Variants in ADORA2B observed in about 807,000 individuals in gnomAD.
ADORA2B encodes the protein adenosine receptor A2b.
ADORA2B carries 18 observed loss-of-function variants against 20.8 expected under a neutral mutation model. The ratio of observed to expected loss-of-function variants is 0.87; its 90% CI spans 0.60 to 1.29. ADORA2B has a LOEUF of 1.29. ADORA2B is among the 50% of genes most tolerant of loss of function. ADORA2B has a pLI of 0.00. For synonymous variants in ADORA2B, 179 were observed against 178.3 expected, an observed-to-expected ratio of 1.00 and a Z score of -0.03; for missense variants, 441 against 422.7, an observed-to-expected ratio of 1.04 and a Z score of -0.38.
At chr17:15,933,168 G>A in the ADORA2B span, among the ~76,000 whole-genome samples, 1 of 152,104 alleles carries the variant, frequency 6.6e-6, no homozygotes, top group African/African-American at 2.4e-5. Context: ...TGTTAGCTGG[G>A]ATGGTCCCAA....
At chr17:15,853,381 T>C in the ADORA2B span, among the ~76,000 whole-genome samples, 1 of 152,248 alleles carries the variant, frequency 6.6e-6, no homozygotes, top group Non-Finnish European at 1.5e-5. Flanking sequence ...CTGCATGAAG[T>C]TTGTTCTTTT....
chr17:15,961,306 A>C (rs926770076), intron 1 of ADORA2B, among the ~76,000 whole-genome samples: 2 of 151,590 alleles, frequency 1.3e-5, no homozygotes, highest in African/African-American at 4.8e-5. Flanking sequence ...AACATTTTTG[A>C]GTTCAGGTGA....
the ADORA2B span, among the ~76,000 whole-genome samples, chr17:15,881,767 G>T: frequency 0.013 from 1,937 of 152,286 alleles, 34 homozygotes; most frequent in African/African-American, 0.045. Flanking sequence ...CGCTGCTTCT[G>T]CATCCATCTG....
the ADORA2B span, among the ~76,000 whole-genome samples, chr17:15,879,313 C>T: frequency 6.6e-6 from 1 of 151,874 alleles, no homozygotes; most frequent in Admixed American, 6.6e-5. Context: ...AATAGCTGGG[C>T]ATAGTGGCAC....
chr17:15,891,472 T>C, the ADORA2B span, among the ~76,000 whole-genome samples: 2 of 152,198 alleles, frequency 1.3e-5, no homozygotes. Context: ...TGGGCTCTTA[T>C]TGCACATGCT....
chr17:15,971,835 G>A (rs1208244668), intron 1 of ADORA2B, among the ~76,000 whole-genome samples: 1 of 152,084 alleles, frequency 6.6e-6, no homozygotes, highest in Non-Finnish European at 1.5e-5. Context: ...GTTTCACCGT[G>A]TTGGCCAGGC....
the ADORA2B span, among the ~76,000 whole-genome samples, chr17:15,874,095 TACACACACACACATATATACATACACAC>T: frequency 4.1e-5 from 6 of 145,892 alleles, no homozygotes; most frequent in African/African-American, 1.1e-4. Flanking sequence ...TATATATGTA[TACACACACACACATATATACATACACAC>T]ACACACACAC....
chr17:15,893,503 C>G, the ADORA2B span, among the ~76,000 whole-genome samples: 1 of 151,608 alleles, frequency 6.6e-6, no homozygotes, highest in East Asian at 1.9e-4. Flanking sequence ...CCCTCCCTCC[C>G]TCCCTCCTCC....
the ADORA2B span, among the ~76,000 whole-genome samples, chr17:15,904,397 T>G: frequency 1.3e-5 from 2 of 149,210 alleles, no homozygotes; most frequent in East Asian, 3.9e-4. Flanking sequence ...TCTGCTTTTT[T>G]TTTTTTTTTT....
At chr17:15,855,634 T>G in the ADORA2B span, among the ~76,000 whole-genome samples, 1 of 151,500 alleles carries the variant, frequency 6.6e-6, no homozygotes, top group Non-Finnish European at 1.5e-5. Flanking sequence ...CTTAACAAAT[T>G]TTTAAGTACG....
chr17:15,902,722 G>A, the ADORA2B span, among the ~76,000 whole-genome samples: 2 of 152,096 alleles, frequency 1.3e-5, no homozygotes, highest in Admixed American at 1.3e-4. Context: ...CAAACCACAT[G>A]GGAGGATGAT....
the ADORA2B span, among the ~76,000 whole-genome samples, chr17:15,872,855 A>G: frequency 2.0e-5 from 3 of 152,148 alleles, no homozygotes; most frequent in Non-Finnish European, 4.4e-5. Context: ...GCAAATAGAG[A>G]TAGTATGACT....
chr17:15,947,560 C>T (rs1445953564), intron 1 of ADORA2B, among the ~76,000 whole-genome samples: 1 of 152,228 alleles, frequency 6.6e-6, no homozygotes, highest in East Asian at 1.9e-4. Flanking sequence ...ATCCTGCCTT[C>T]CTGGCCCGTC....
the ADORA2B span, among the ~76,000 whole-genome samples, chr17:15,908,973 C>T: frequency 6.6e-6 from 1 of 152,062 alleles, no homozygotes; most frequent in Non-Finnish European, 1.5e-5. Flanking sequence ...AAACAAACAG[C>T]CTCTCCAAAT....
chr17:15,975,071 T>C lies in ADORA2B; in HGVS notation c.728T>C (p.Phe243Ser), dbSNP rs1970236111. The change falls in exon 2 of 2, where the codon TTT becomes TCT. Residue 243 changes from phenylalanine (F) to serine (S), a missense_variant. Phe to Ser is a radical substitution (Grantham distance 155). Coordinates refer to ENST00000304222, the MANE Select transcript of ADORA2B (RefSeq NM_000676.4). ...TCACTGGCCATGATTGTGGGGATTT[T>C]TGCCCTGTGCTGGTTACCTGTGCAT... ...AKSLAMIVGI[F>S]ALCWLPVHAV... The C allele has an allele frequency of 9.9e-6, 16 of 1,614,200 alleles. No individual in the cohort carries two copies. Among genetic ancestry groups the C allele is most frequent in the Non-Finnish European group, 1.4e-5 (16 of 1,180,032 alleles).
chr17:15,885,180 T>G, the ADORA2B span, among the ~76,000 whole-genome samples: 1 of 152,346 alleles, frequency 6.6e-6, no homozygotes, highest in South Asian at 2.1e-4. Flanking sequence ...GATGTTGAGC[T>G]TTTTTTCATA....
chr17:15,965,069 CA>C lies in ADORA2B; in HGVS notation c.336-9607del, dbSNP rs10552612. On this transcript the variant is annotated intron_variant, in intron 1 of 1. Transcript: ENST00000304222. Reference sequence around the variant, plus strand: ...AGCTAGACTCTGTCTCAAAAACAAACAAACAAAATTTCATAGTTTGATCCCA... The same window carrying C: ...AGCTAGACTCTGTCTCAAAAACAAACAACAAAATTTCATAGTTTGATCCCA... Among the ~76,000 whole-genome samples, 674 of 152,250 alleles carry C rather than the reference CA, an allele frequency of 4.4e-3. 3 individuals carry two copies. The highest frequency in any genetic ancestry group is 0.015 in the African/African-American group (642 of 41,548).
intron 1 of ADORA2B, among the ~76,000 whole-genome samples, chr17:15,948,884 G>T (rs1369937992): frequency 1.3e-5 from 2 of 152,218 alleles, no homozygotes; most frequent in Non-Finnish European, 2.9e-5. Context: ...GTTGGCGGGG[G>T]GTTCTGAATG....
upstream of ADORA2B, among the ~76,000 whole-genome samples, chr17:15,941,149 C>T (rs753649771): frequency 9.9e-5 from 15 of 152,118 alleles, no homozygotes; most frequent in Non-Finnish European, 2.2e-4. Flanking sequence ...AGTGAAAGTC[C>T]CACTTGAGTT....
Sources: allele counts gnomAD v4.1 joint callset (sites outside exome capture counted in the v4.1 genomes callset), GRCh38; gene constraint gnomAD v4.1.1; transcripts MANE v1.5; gene names NCBI Gene and HGNC (gene_info 2026-07-23, HGNC 2026-07-21).